Variants in SORCS1 observed in about 807,000 individuals in gnomAD.
SORCS1 encodes the protein sortilin related VPS10 domain containing receptor 1, also known as VPS10 domain-containing receptor SorCS1.
SORCS1 carries 60 observed loss-of-function variants against 146.1 expected under a neutral mutation model. The ratio of observed to expected loss-of-function variants is 0.41; its 90% CI spans 0.33 to 0.51. SORCS1 has a LOEUF of 0.51. SORCS1 is among the 20% of genes least tolerant of loss of function. SORCS1 has a pLI of 0.21. For synonymous variants in SORCS1, 637 were observed against 584.0 expected (o/e 1.09, Z -1.31); for missense variants, 1,352 against 1,487.6 (o/e 0.91, Z 1.50).
chr10:107,076,711 T>C (rs1962912735), intron 1 of SORCS1, among the ~76,000 whole-genome samples: 1 of 152,122 alleles, frequency 6.6e-6, no homozygotes, highest in South Asian at 2.1e-4. Context: ...GTACATATTT[T>C]ATTTTAGCTC....
chr10:106,585,860 A>G (rs1845201000), intron 24 of SORCS1, among the ~76,000 whole-genome samples: 1 of 152,214 alleles, frequency 6.6e-6, no homozygotes, highest in East Asian at 1.9e-4. Context: ...GGCCAGGTTA[A>G]TTATTCCAAC....
intron 1 of SORCS1, among the ~76,000 whole-genome samples, chr10:107,071,349 C>T (rs1185972931): frequency 6.6e-6 from 1 of 152,128 alleles, no homozygotes; most frequent in African/African-American, 2.4e-5. Context: ...CAGGGCTCCA[C>T]TGAAAACTTA....
chr10:107,152,952 T>C (rs933497902), intron 1 of SORCS1, among the ~76,000 whole-genome samples: 5 of 152,152 alleles, frequency 3.3e-5, no homozygotes, highest in African/African-American at 1.2e-4. Context: ...CCGTGTCTCT[T>C]TGTCTCTCAT....
intron 1 of SORCS1, among the ~76,000 whole-genome samples, chr10:107,063,941 C>T (rs1199611703): frequency 6.6e-6 from 1 of 152,102 alleles, no homozygotes; most frequent in African/African-American, 2.4e-5. Context: ...ATGGGAAGAA[C>T]AGTAAAGATA....
At chr10:106,934,136 G>C (rs1284149028) in intron 2 of SORCS1, among the ~76,000 whole-genome samples, 3 of 150,540 alleles carry the variant, frequency 2.0e-5, no homozygotes, top group Non-Finnish European at 4.4e-5. Flanking sequence ...AATTTCAAAA[G>C]TGAAAATATA....
chr10:106,702,698 GT>G (rs1430627574), intron 8 of SORCS1, among the ~76,000 whole-genome samples: 1 of 152,140 alleles, frequency 6.6e-6, no homozygotes. Context: ...TAATTGAAAA[GT>G]TTAAAATATT....
intron 1 of SORCS1, among the ~76,000 whole-genome samples, chr10:106,991,334 A>G (rs1030413947): frequency 5.3e-5 from 8 of 152,230 alleles, no homozygotes; most frequent in Non-Finnish European, 1.2e-4. Flanking sequence ...CAAGCTGGAT[A>G]GGAAGATGAC....
intron 5 of SORCS1, among the ~76,000 whole-genome samples, chr10:106,738,783 G>A (rs1375495234): frequency 2.0e-5 from 3 of 152,160 alleles, no homozygotes; most frequent in Non-Finnish European, 4.4e-5. Flanking sequence ...CTTGACTCCA[G>A]GAGTTTGAGA....
Position 106,618,290 on chromosome 10 carries a change from C to G in SORCS1, c.2797-18G>C, listed in dbSNP as rs1488554783. ...ATCAAAGGCTAAAATAAACAAGGGC[C>G]CAGAGTGAAGGGAAAGCTCTTTAGT... On this transcript the variant is annotated intron_variant, in intron 20 of 25. Coordinates refer to ENST00000263054, the MANE Select transcript of SORCS1 (RefSeq NM_052918.5). The G allele has an allele frequency of 6.2e-7, 1 of 1,612,418 alleles. No homozygotes were observed. The highest frequency in any genetic ancestry group is 8.5e-7 in the Non-Finnish European group (1 of 1,179,180).
At chr10:107,022,970 G>A (rs549971963) in intron 1 of SORCS1, among the ~76,000 whole-genome samples, 5 of 152,234 alleles carry the variant, frequency 3.3e-5, no homozygotes, top group South Asian at 2.1e-4. Flanking sequence ...GAAAGGCTTC[G>A]GCTCCATAGT....
chr10:106,694,059 G>C (rs940855591), intron 9 of SORCS1, among the ~76,000 whole-genome samples: 1 of 152,140 alleles, frequency 6.6e-6, no homozygotes, highest in Non-Finnish European at 1.5e-5. Context: ...ATTTCTTTGG[G>C]CTTTGTGGAT....
At chr10:106,714,676 T>C (rs1298811450) in intron 6 of SORCS1, among the ~76,000 whole-genome samples, 17 of 152,146 alleles carry the variant, frequency 1.1e-4, no homozygotes, top group Admixed American at 1.1e-3. Context: ...AAATAAAAGA[T>C]ATATATGAGA....
the SORCS1 span, among the ~76,000 whole-genome samples, chr10:107,177,152 CT>C: frequency 1.3e-5 from 2 of 151,898 alleles, no homozygotes; most frequent in Admixed American, 6.6e-5. Flanking sequence ...ATAGTTTTGC[CT>C]TTTTTTAACT....
chr10:106,874,835 T>G (rs1950540456), intron 2 of SORCS1, among the ~76,000 whole-genome samples: 1 of 152,186 alleles, frequency 6.6e-6, no homozygotes, highest in Non-Finnish European at 1.5e-5. Context: ...GAGTACAGGA[T>G]AAGACATTTG....
At position 106,849,994 on chromosome 10, in the gene SORCS1, TCAGA is replaced by T. The variant is rs554646628; in HGVS notation, c.627-20325_627-20322del. 8.1e-3 allele frequency among the ~76,000 whole-genome samples: 1,232 copies of T among 152,314 alleles called. 14 individuals are homozygous for T. Among genetic ancestry groups the T allele is most frequent in the African/African-American group, 0.026 (1,100 of 41,578 alleles). On this transcript the variant is annotated intron_variant, in intron 2 of 25. Transcript: ENST00000263054. ...AGAACCACTGCTGTCTTCAAAGCTG[TCAGA>T]CAGAGACTTTTAAGTCTGCAGAGTT...
chr10:106,967,086 T>A (rs1955528942), intron 1 of SORCS1, among the ~76,000 whole-genome samples: 1 of 147,984 alleles, frequency 6.8e-6, no homozygotes, highest in South Asian at 2.2e-4. Context: ...GTTCTTCTAT[T>A]TCCCAAGTTC....
intron 3 of SORCS1, among the ~76,000 whole-genome samples, chr10:106,807,032 T>C (rs1200306584): frequency 1.3e-5 from 2 of 152,200 alleles, no homozygotes; most frequent in Non-Finnish European, 2.9e-5. Context: ...CTTCTCGTCA[T>C]AATTTAGTAT....
At chr10:106,711,440 G>A (rs1481574716) in intron 6 of SORCS1, among the ~76,000 whole-genome samples, 1 of 152,124 alleles carries the variant, frequency 6.6e-6, no homozygotes, top group Non-Finnish European at 1.5e-5. Context: ...AACTAGGAAG[G>A]CGGAATTGTC....
chr10:106,939,241 G>A (rs1246434269), intron 2 of SORCS1, among the ~76,000 whole-genome samples: 1 of 152,204 alleles, frequency 6.6e-6, no homozygotes, highest in African/African-American at 2.4e-5. Context: ...CAACCTGCAG[G>A]CATGGCTAAT....
Sources: allele counts gnomAD v4.1 joint callset (sites outside exome capture counted in the v4.1 genomes callset), GRCh38; gene constraint gnomAD v4.1.1; transcripts MANE v1.5; gene names NCBI Gene and HGNC (gene_info 2026-07-23, HGNC 2026-07-21).